The following VPS33A variants were observed in gnomAD, a reference collection of about 807,000 sequenced individuals.
VPS33A encodes VPS33A core subunit of CORVET and HOPS complexes, also known as vacuolar protein sorting-associated protein 33A.
A neutral mutation model predicts 71.8 loss-of-function variants in VPS33A; 32 were observed. That is an observed-to-expected ratio of 0.45 (90% CI 0.34 to 0.60). The LOEUF (loss-of-function observed/expected upper bound fraction) is 0.60. Among genes scored for constraint, VPS33A ranks in the 20% least tolerant of loss-of-function variants. The pLI, the probability that VPS33A is intolerant of heterozygous loss-of-function variation, is 0.02. For synonymous variants in VPS33A, 311 were observed against 292.7 expected, an observed-to-expected ratio of 1.06 and a Z score of -0.64; for missense variants, 625 against 748.5, an observed-to-expected ratio of 0.84 and a Z score of 1.92.
At chr12:122,252,549 C>T (rs1174357818) in intron 4 of VPS33A, among the ~76,000 whole-genome samples, 1 of 151,860 alleles carries the variant, frequency 6.6e-6, no homozygotes, top group African/African-American at 2.4e-5. Flanking sequence ...GGATTACAGG[C>T]GTGAGCCACC....
intron 11 of VPS33A, 74 bp from the exon 12 acceptor site, chr12:122,233,042 A>C: frequency 7.1e-7 from 1 of 1,400,824 alleles, no homozygotes; most frequent in Non-Finnish European, 9.5e-7. Flanking sequence ...CCTTTTGGGT[A>C]ATCCAAAATT....
At chr12:122,252,472 A>G (rs1346670185) in intron 4 of VPS33A, among the ~76,000 whole-genome samples, 1 of 151,936 alleles carries the variant, frequency 6.6e-6, no homozygotes, top group Non-Finnish European at 1.5e-5. Flanking sequence ...GGGTTTCACC[A>G]TGTTAGCCCT....
At position 122,251,082 on chromosome 12, in the gene VPS33A, A is replaced by G. The variant is rs769405702; in HGVS notation, c.501T>C (p.Gly167=). 1.9e-6 allele frequency: 3 copies of G among 1,613,620 alleles called. No individual in the cohort carries two copies. The Admixed American group carries it at 5.0e-5, about 27-fold the overall frequency. The change falls in exon 5 of 13, where the codon GGT becomes GGC. Residue 167 remains glycine (G), a synonymous_variant. Transcript: ENST00000267199. ...CTGCGTGGTACAGGCTCGTCTGGTCACCCTCCAGGTAGCACTCCTGTGAGG... is the reference window on the plus strand; with the variant it reads ...CTGCGTGGTACAGGCTCGTCTGGTCGCCCTCCAGGTAGCACTCCTGTGAGG... ...EGAFKECYLE[G]DQTSLYHAAK...
At chr12:122,239,017 ACACACC>A (rs1954672298) in intron 9 of VPS33A, among the ~76,000 whole-genome samples, 2 of 138,446 alleles carry the variant, frequency 1.4e-5, no homozygotes, top group African/African-American at 5.1e-5. Flanking sequence ...ACACACACAC[ACACACC>A]CCCCAGTGAT....
intron 6 of VPS33A, 55 bp from the exon 7 acceptor site, chr12:122,244,817 T>G (rs1442512384): frequency 1.3e-6 from 2 of 1,537,342 alleles, no homozygotes; most frequent in African/African-American, 2.7e-5. Flanking sequence ...GAAGAACCAA[T>G]CCGGTAACCA....
chr12:122,261,371 AC>A lies in VPS33A; in HGVS notation c.372del (p.Leu125Ter). ...GATCCCAAGACACCCAGATCCTTCA[AC>A]CGCTGTTCGCACAACAGGCTACGGC... is the stretch of plus-strand genomic sequence containing the variant. ...VPRRSLLCEQ[R>X]LKDLGVLGSF... On this transcript the variant is annotated frameshift_variant, in exon 4 of 13. Coordinates refer to ENST00000267199, the MANE Select transcript of VPS33A (RefSeq NM_022916.6). LOFTEE classifies it high-confidence loss of function. 6.2e-7 allele frequency: 1 copy of A among 1,614,054 alleles called. No homozygotes were observed. The highest frequency in any genetic ancestry group is 8.5e-7 in the Non-Finnish European group (1 of 1,179,984).
intron 6 of VPS33A, among the ~76,000 whole-genome samples, chr12:122,246,830 G>C (rs1954783727): frequency 6.6e-6 from 1 of 152,146 alleles, no homozygotes; most frequent in South Asian, 2.1e-4. Flanking sequence ...TCGAACTCCT[G>C]ACCTCAGGTG....
At chr12:122,261,175 C>A in intron 4 of VPS33A, 86 bp downstream of exon 4, 2 of 1,116,580 alleles carry the variant, frequency 1.8e-6, no homozygotes, top group South Asian at 1.8e-5. Flanking sequence ...TGGGACTCAG[C>A]TTCACAGTAA....
intron 4 of VPS33A, among the ~76,000 whole-genome samples, chr12:122,254,928 G>A (rs1954896142): frequency 6.6e-6 from 1 of 151,984 alleles, no homozygotes; most frequent in South Asian, 2.1e-4. Context: ...GCTGGCGCCT[G>A]TAGTCCCAGC....
rs1391774138 is a variant in VPS33A at position 122,231,841 on chromosome 12, G to C, written c.*405C>G. On this transcript the variant is annotated 3_prime_UTR_variant, in exon 13 of 13. Coordinates refer to ENST00000267199, the MANE Select transcript of VPS33A (RefSeq NM_022916.6). ...GGAGGCCGAGGCAGGTGGATCACCT[G>C]AGGTCAGGAGTTTGAGACCAGCCTG... 1 of 321,190 alleles carries C rather than the reference G, an allele frequency of 3.1e-6. No individual in the cohort carries two copies. Among genetic ancestry groups the C allele is most frequent in the Non-Finnish European group, 5.6e-6 (1 of 177,802 alleles). The allele number at this position is 321,190 out of a possible 1,614,324, so 19.9% of individuals were successfully genotyped here.
At chr12:122,239,675 G>A (rs1348693696) in intron 9 of VPS33A, among the ~76,000 whole-genome samples, 1 of 141,618 alleles carries the variant, frequency 7.1e-6, no homozygotes, top group Non-Finnish European at 1.5e-5. Flanking sequence ...AGCTTGCAGT[G>A]AGCAGAGATG....
In VPS33A at chr12:122,231,777, C is replaced by A; in HGVS notation, c.*469G>T. ...TCTTCTTTCTTCAGCAGATTAGGGG[C>A]CAGGCACGGTGGCTCAGGCCTGTAA... On this transcript the variant is annotated 3_prime_UTR_variant, in exon 13 of 13. Transcript: ENST00000267199. 4.2e-6 allele frequency: 1 copy of A among 240,628 alleles called. No homozygotes were observed. The highest frequency in any genetic ancestry group is 7.9e-6 in the Non-Finnish European group (1 of 126,098). The allele number at this position is 240,628 out of a possible 1,614,324, so 14.9% of individuals were successfully genotyped here.
intron 8 of VPS33A, 65 bp downstream of exon 8, chr12:122,242,317 T>C (rs750663120): frequency 4.4e-6 from 7 of 1,581,420 alleles, no homozygotes; most frequent in Non-Finnish European, 5.2e-6. Context: ...GTTGATGACC[T>C]AGGTGTCAAA....
intron 4 of VPS33A, among the ~76,000 whole-genome samples, chr12:122,252,485 T>C (rs1466162429): frequency 6.6e-6 from 1 of 151,980 alleles, no homozygotes; most frequent in Admixed American, 6.6e-5. Flanking sequence ...TTAGCCCTGA[T>C]GGTCTCGATC....
intron 8 of VPS33A, 46 bp downstream of exon 8, chr12:122,242,336 G>C: frequency 6.3e-7 from 1 of 1,593,968 alleles, no homozygotes; most frequent in Non-Finnish European, 8.6e-7. Flanking sequence ...AACGTTGTAT[G>C]TGCAAGTAGC....
In VPS33A at chr12:122,237,825, A is replaced by T. The variant is rs1290563138; in HGVS notation, c.1302+762T>A. ...TCAAGAAATGTTACCTATTATTATT[A>T]TTTTTTACTTTTTGTAAACAAGCTA... On this transcript the variant is annotated intron_variant, in intron 10 of 12. Transcript: ENST00000267199. Among the ~76,000 whole-genome samples the T allele has an allele frequency of 5.9e-5, 9 of 151,394 alleles. No homozygotes were observed. In the South Asian group the frequency reaches 1.2e-3, roughly 21 times the overall value.
In VPS33A at chr12:122,232,958, T is replaced by C; in HGVS notation, c.1451A>G (p.Asp484Gly). 6.3e-7 allele frequency: 1 copy of C among 1,599,116 alleles called. No individual in the cohort carries two copies. The highest frequency in any genetic ancestry group is 8.5e-7 in the Non-Finnish European group (1 of 1,170,948). ...MDDVNEQNPT[D>G]ISYVYSGYAP... ...ATACCCACTGTACACATACGATATGTCCGTGGGGTTCTGTGAGATAATTAA... is the reference window on the plus strand; with the variant it reads ...ATACCCACTGTACACATACGATATGCCCGTGGGGTTCTGTGAGATAATTAA... The change falls in exon 12 of 13, where the codon GAC (aspartate) becomes GGC (glycine). Residue 484 changes from aspartate (D) to glycine (G), a missense_variant. By Grantham distance (94) the Asp-to-Gly change is moderately conservative (BLOSUM62 -1). Coordinates refer to ENST00000267199, the MANE Select transcript of VPS33A (RefSeq NM_022916.6).
intron 11 of VPS33A, 87 bp downstream of exon 11, chr12:122,235,699 C>T: frequency 1.4e-6 from 2 of 1,460,818 alleles, no homozygotes; most frequent in South Asian, 2.9e-5. Context: ...GAAAGCAAGG[C>T]AGATGTGTAG....
rs773063298 is a variant in VPS33A, at chr12:122,232,270, C to T, written c.1767G>A (p.Glu589=). The change falls in exon 13 of 13, where the codon GAG becomes GAA. Residue 589 remains glutamate, a synonymous_variant. Transcript: ENST00000267199. ...TKLMNGTSWI[E]ALMEKPF is the part of the protein sequence containing the mutation. ...CCTAGAAAGGTTTTTCCATCAGAGC[C>T]TCTATCCAACTGGTTCCATTCATTA... 4.3e-6 allele frequency: 7 copies of T among 1,612,810 alleles called. No individual in the cohort carries two copies. Among genetic ancestry groups the T allele is most frequent in the Middle Eastern group, 1.6e-4 (1 of 6,082 alleles).
Sources: allele counts gnomAD v4.1 joint callset (sites outside exome capture counted in the v4.1 genomes callset), GRCh38; gene constraint gnomAD v4.1.1; transcripts MANE v1.5; gene names NCBI Gene and HGNC (gene_info 2026-07-23, HGNC 2026-07-21).